Variants in DPYD observed in about 807,000 individuals in gnomAD.
DPYD encodes dihydropyrimidine dehydrogenase [NADP(+)].
Under a neutral mutation model 116.2 loss-of-function variants are expected in DPYD, and 109 were observed. That is an observed-to-expected ratio of 0.94 (90% CI 0.80 to 1.10). The LOEUF (loss-of-function observed/expected upper bound fraction) is 1.10, where lower values mean the gene tolerates loss of function less well. Among genes scored for constraint, DPYD ranks in the 50% least tolerant of loss-of-function variants. The pLI is 0.00. For missense variants in DPYD, 1,302 were observed against 1,254.5 expected, an observed-to-expected ratio of 1.04 and a Z score of -0.57; for synonymous variants, 440 against 432.0, an observed-to-expected ratio of 1.02 and a Z score of -0.23.
chr1:97,361,992 T>C (rs1670753539), intron 16 of DPYD, among the ~76,000 whole-genome samples: 2 of 152,196 alleles, frequency 1.3e-5, no homozygotes, highest in Non-Finnish European at 2.9e-5. Flanking sequence ...GGCATTCAAT[T>C]AGGAAAAGAG....
chr1:97,823,542 C>G (rs1669073606), intron 3 of DPYD, among the ~76,000 whole-genome samples: 1 of 152,206 alleles, frequency 6.6e-6, no homozygotes, highest in African/African-American at 2.4e-5. Flanking sequence ...CTCTCTACTT[C>G]TATGAGATGA....
chr1:97,736,813 A>G (rs1237385388), intron 4 of DPYD, among the ~76,000 whole-genome samples: 4 of 151,510 alleles, frequency 2.6e-5, no homozygotes, highest in Non-Finnish European at 2.9e-5. Context: ...CTCTAGGAAT[A>G]TAACAGAGAT....
At chr1:97,143,271 G>C (rs955200286) in intron 20 of DPYD, among the ~76,000 whole-genome samples, 1 of 152,094 alleles carries the variant, frequency 6.6e-6, no homozygotes, top group African/African-American at 2.4e-5. Flanking sequence ...CTTCTTGCTA[G>C]AATGGCTATA....
intron 16 of DPYD, among the ~76,000 whole-genome samples, chr1:97,341,794 T>C (rs1489586640): frequency 1.3e-5 from 2 of 152,192 alleles, no homozygotes; most frequent in Non-Finnish European, 2.9e-5. Flanking sequence ...CAGAATCAAG[T>C]CTTTCCTAGA....
chr1:97,316,052 C>T (rs935081879), intron 16 of DPYD, among the ~76,000 whole-genome samples: 6 of 151,920 alleles, frequency 3.9e-5, no homozygotes, highest in African/African-American at 1.4e-4. Flanking sequence ...GTGCAAATGC[C>T]CATGGATAAA....
intron 14 of DPYD, among the ~76,000 whole-genome samples, chr1:97,436,549 G>C (rs1675483987): frequency 6.6e-6 from 1 of 151,892 alleles, no homozygotes; most frequent in South Asian, 2.1e-4. Context: ...CCCAAAGGCA[G>C]CCTGACAAAT....
chr1:97,831,459 T>A (rs1301802113), intron 2 of DPYD, among the ~76,000 whole-genome samples: 1 of 152,186 alleles, frequency 6.6e-6, no homozygotes, highest in African/African-American at 2.4e-5. Flanking sequence ...TGAGAAAAAC[T>A]GTAAATTATT....
chr1:97,258,153 G>A (rs1438121383), intron 18 of DPYD, among the ~76,000 whole-genome samples: 9 of 152,070 alleles, frequency 5.9e-5, no homozygotes, highest in Non-Finnish European at 1.0e-4. Context: ...GATGGAGAGT[G>A]GGGCAGATAT....
intron 3 of DPYD, 108 bp downstream of exon 3, chr1:97,828,006 A>C: frequency 4.0e-5 from 43 of 1,068,474 alleles, no homozygotes; most frequent in Non-Finnish European, 5.5e-5. Context: ...TTAATACCTT[A>C]GAGAACAGAG....
At chr1:97,181,477 T>A (rs1657639707) in intron 20 of DPYD, among the ~76,000 whole-genome samples, 2 of 152,162 alleles carry the variant, frequency 1.3e-5, no homozygotes, top group South Asian at 2.1e-4. Flanking sequence ...TTAATTAATT[T>A]ATCTCCATTT....
chr1:97,234,201 T>C (rs1520658), intron 19 of DPYD, among the ~76,000 whole-genome samples: 18,308 of 152,150 alleles, frequency 0.12, 1,384 homozygotes, highest in East Asian at 0.31. Context: ...TGCTAAAATG[T>C]GCTGACAGTA....
At chr1:97,449,329 T>G (rs923173975) in intron 14 of DPYD, among the ~76,000 whole-genome samples, 1 of 151,534 alleles carries the variant, frequency 6.6e-6, no homozygotes, top group East Asian at 1.9e-4. Flanking sequence ...AAATAAGTTG[T>G]GTATATTTGA....
intron 14 of DPYD, among the ~76,000 whole-genome samples, chr1:97,443,764 T>C (rs1277337779): frequency 3.9e-5 from 6 of 152,088 alleles, no homozygotes; most frequent in African/African-American, 1.2e-4. Flanking sequence ...TTTAAACGAG[T>C]TGTCTGAGTG....
intron 20 of DPYD, among the ~76,000 whole-genome samples, chr1:97,131,967 A>G (rs1653377737): frequency 6.6e-6 from 1 of 152,220 alleles, no homozygotes; most frequent in South Asian, 2.1e-4. Flanking sequence ...CAGGGTGCCT[A>G]CAATTTAAAA....
Position 97,567,322 on chromosome 1 carries a change from C to CTT in DPYD, c.1339+6436_1339+6437dup, listed in dbSNP as rs112076507. Among the ~76,000 whole-genome samples the CTT allele has an allele frequency of 1.1e-3, 160 of 147,954 alleles. 1 individual carries two copies. The highest frequency in any genetic ancestry group is 3.6e-3 in the African/African-American group (145 of 40,470). ...AGGAACTGATGAGTGATTTAAAAAC[C>CTT]TTTTTTTTTTTCCTGCAAACACTCC... On this transcript the variant is annotated intron_variant, in intron 11 of 22. Transcript: ENST00000370192.
intron 11 of DPYD, among the ~76,000 whole-genome samples, chr1:97,568,628 C>T (rs1299847215): frequency 6.6e-6 from 1 of 151,938 alleles, no homozygotes; most frequent in African/African-American, 2.4e-5. Flanking sequence ...ATGAAGAATA[C>T]AACAATTTAT....
At position 97,721,497 on chromosome 1, in the gene DPYD, A is replaced by G; in HGVS notation, c.483+13T>C. The G allele has an allele frequency of 6.2e-7, 1 of 1,610,788 alleles. No homozygotes were observed. Among genetic ancestry groups the G allele is most frequent in the Non-Finnish European group, 8.5e-7 (1 of 1,177,738 alleles). ...ATGGTAGTGGGGGGATGTCACGTGT[A>G]TATCATACATACCTCAGTAGCAAAT... On this transcript the variant is annotated intron_variant, in intron 5 of 22. Coordinates refer to ENST00000370192, the MANE Select transcript of DPYD (RefSeq NM_000110.4).
intron 14 of DPYD, among the ~76,000 whole-genome samples, chr1:97,402,782 C>T (rs1444081219): frequency 6.6e-6 from 1 of 151,930 alleles, no homozygotes; most frequent in East Asian, 1.9e-4. Flanking sequence ...CAGGAAGTTT[C>T]TCTGTATTGT....
intron 14 of DPYD, among the ~76,000 whole-genome samples, chr1:97,444,960 A>G (rs1016313222): frequency 4.6e-5 from 7 of 152,180 alleles, no homozygotes; most frequent in Admixed American, 6.5e-5. Flanking sequence ...GTGTTCAATA[A>G]GATACCAAAT....
Sources: allele counts gnomAD v4.1 joint callset (sites outside exome capture counted in the v4.1 genomes callset), GRCh38; gene constraint gnomAD v4.1.1; transcripts MANE v1.5; gene names NCBI Gene and HGNC (gene_info 2026-07-23, HGNC 2026-07-21).